The following CD96 variants were observed in gnomAD, a reference collection of about 807,000 sequenced individuals.
The protein encoded by CD96 is CD96 molecule.
In CD96, 70 loss-of-function variants were observed where a neutral mutation model predicts 71.3. That is an observed-to-expected ratio of 0.98 (90% CI 0.81 to 1.20). The LOEUF (loss-of-function observed/expected upper bound fraction) is 1.20, where lower values mean the gene tolerates loss of function less well. CD96 is among the 50% of genes most tolerant of loss of function. The pLI is 0.00. For synonymous variants in CD96, 248 were observed against 233.0 expected (o/e 1.06, Z -0.59); for missense variants, 742 against 677.5 (o/e 1.10, Z -1.06).
chr3:111,593,672 CT>C, intron 5 of CD96: 1 of 1,611,972 alleles, frequency 6.2e-7, no homozygotes, highest in Non-Finnish European at 8.5e-7. Context: ...GGCTCGCTCC[CT>C]TTTTTCCACA....
Position 111,579,099 on chromosome 3 carries a change from A to G in CD96, c.616A>G (p.Arg206Gly), listed in dbSNP as rs1936350254. ...LISNSTLLKD[R>G]VKLGTDYRLH... ...CAGCAATTCCACATTACTTAAAGAT[A>G]GAGTCAAGCTTGGTACAGACTACAG... Residue 206 changes from arginine to glycine, a missense_variant, in exon 4 of 14, where the codon AGA (arginine) becomes GGA (glycine). Coordinates refer to ENST00000352690, the MANE Select transcript of CD96 (RefSeq NM_005816.5). 6 of 1,605,660 alleles carry G rather than the reference A, an allele frequency of 3.7e-6. No individual in the cohort carries two copies. Among genetic ancestry groups the G allele is most frequent in the Non-Finnish European group, 4.3e-6 (5 of 1,172,190 alleles).
At chr3:111,557,168 T>A (rs1189196427) in intron 2 of CD96, among the ~76,000 whole-genome samples, 1 of 113,048 alleles carries the variant, frequency 8.8e-6, no homozygotes, top group East Asian at 2.4e-4. Flanking sequence ...CTGTTCACTC[T>A]GATGGTAGTT....
At chr3:111,567,128 C>A (rs1394041971) in intron 2 of CD96, among the ~76,000 whole-genome samples, 2 of 151,984 alleles carry the variant, frequency 1.3e-5, no homozygotes, top group African/African-American at 4.8e-5. Flanking sequence ...TTGCTGTGAA[C>A]CTAAAACTAC....
chr3:111,620,055 T>G (rs1938443733), intron 8 of CD96, among the ~76,000 whole-genome samples: 1 of 152,230 alleles, frequency 6.6e-6, no homozygotes, highest in Non-Finnish European at 1.5e-5. Flanking sequence ...TACTAATCCA[T>G]GACATGTGAG....
At chr3:111,656,375 G>A (rs1183188980), downstream of CD96, among the ~76,000 whole-genome samples, 3 of 152,140 alleles carry the variant, frequency 2.0e-5, no homozygotes, top group Non-Finnish European at 4.4e-5. Flanking sequence ...TCAAGGCTTT[G>A]GGGAAAACAT....
chr3:111,577,339 G>A (rs1004480934), intron 3 of CD96, among the ~76,000 whole-genome samples: 1 of 152,108 alleles, frequency 6.6e-6, no homozygotes, highest in Non-Finnish European at 1.5e-5. Context: ...AGATCTGCAG[G>A]GGGTACCTGC....
chr3:111,558,129 A>C (rs1170947210), intron 2 of CD96, among the ~76,000 whole-genome samples: 7 of 136,076 alleles, frequency 5.1e-5, no homozygotes, highest in Non-Finnish European at 1.1e-4. Flanking sequence ...GGTTTTCTAG[A>C]TATACAATCA....
intron 12 of CD96, among the ~76,000 whole-genome samples, chr3:111,644,088 C>G (rs1463488780): frequency 6.6e-6 from 1 of 152,124 alleles, no homozygotes. Context: ...TCCAACTATA[C>G]TATAAAGCCA....
chr3:111,656,701 A>G (rs910054063), downstream of CD96, among the ~76,000 whole-genome samples: 1 of 152,214 alleles, frequency 6.6e-6, no homozygotes, highest in East Asian at 1.9e-4. Context: ...GAAAATCTCT[A>G]TCAACTGATA....
intron 3 of CD96, among the ~76,000 whole-genome samples, chr3:111,576,871 A>G (rs1272336924): frequency 6.6e-6 from 1 of 151,930 alleles, no homozygotes; most frequent in Admixed American, 6.6e-5. Flanking sequence ...CTCTCCTCCC[A>G]TTTGCTCTGT....
At position 111,645,210 on chromosome 3, in the gene CD96, C is replaced by T. The variant is rs117098894; in HGVS notation, c.1478-2333C>T. Among the ~76,000 whole-genome samples the T allele has an allele frequency of 3.8e-4, 58 of 152,132 alleles. 1 individual carries two copies. The East Asian group carries it at 8.1e-3, about 21-fold the overall frequency. ...ATAGCCATAAAAAGGAATGAATTAA[C>T]ACATTTGCAGTGACCTGGATGAGAT... On this transcript the variant is annotated intron_variant, in intron 12 of 13. Coordinates refer to ENST00000352690, the MANE Select transcript of CD96 (RefSeq NM_005816.5).
chr3:111,630,335 G>A (rs963997881), intron 10 of CD96, among the ~76,000 whole-genome samples: 2 of 152,048 alleles, frequency 1.3e-5, no homozygotes, highest in Admixed American at 1.3e-4. Flanking sequence ...TATTACCACT[G>A]ACCCCACAGA....
chr3:111,634,365 G>A (rs748983790), intron 10 of CD96: 2 of 152,158 alleles, frequency 1.3e-5, no homozygotes, highest in Admixed American at 1.3e-4. Context: ...CTCAAGGAAG[G>A]ATATAATAAT....
intron 8 of CD96, among the ~76,000 whole-genome samples, chr3:111,608,326 TCATTACTTCTGC>T (rs1160955159): frequency 2.0e-5 from 3 of 152,236 alleles, no homozygotes; most frequent in African/African-American, 7.2e-5. Flanking sequence ...AAATTGCATG[TCATTACTTCTGC>T]TTTATTTTAT....
intron 3 of CD96, among the ~76,000 whole-genome samples, chr3:111,569,261 A>G (rs994177972): frequency 1.3e-5 from 2 of 152,218 alleles, no homozygotes; most frequent in African/African-American, 4.8e-5. Context: ...TATTTTTCAG[A>G]TAGTAAATAA....
At chr3:111,556,191 G>C (rs1210277759) in intron 2 of CD96, among the ~76,000 whole-genome samples, 1 of 152,184 alleles carries the variant, frequency 6.6e-6, no homozygotes, top group East Asian at 1.9e-4. Flanking sequence ...ACTTTGAATA[G>C]ACTAATAACA....
chr3:111,647,608 T>G lies in CD96; in HGVS notation c.1543T>G (p.Cys515Gly). The part of the protein sequence containing the change: ...WPVIVAALLF[C>G]CMILFGLGVR... ...AGTGATTGTAGCAGCTTTACTCTTT[T>G]GCTGCATGATATTGTTTGGTCTTGG... The change falls in exon 13 of 14, where the codon TGC becomes GGC. Residue 515 changes from cysteine (C) to glycine (G), a missense_variant. Cys to Gly is a radical substitution (Grantham distance 159). Coordinates refer to ENST00000352690, the MANE Select transcript of CD96 (RefSeq NM_005816.5). 3.7e-6 allele frequency: 6 copies of G among 1,611,276 alleles called. No homozygotes were observed. The highest frequency in any genetic ancestry group is 5.1e-6 in the Non-Finnish European group (6 of 1,177,500).
Position 111,545,066 on chromosome 3 carries a change from A to G in CD96, c.82A>G (p.Asn28Asp). The G allele has an allele frequency of 1.2e-6, 2 of 1,614,112 alleles. No individual in the cohort carries two copies. Among genetic ancestry groups the G allele is most frequent in the Non-Finnish European group, 1.7e-6 (2 of 1,179,992 alleles). Residue 28 changes from asparagine (N) to aspartate (D), a missense_variant, in exon 2 of 14, where the codon AAC becomes GAC. Coordinates refer to ENST00000352690, the MANE Select transcript of CD96 (RefSeq NM_005816.5). ...FVKGVWEKTVNTEENVYATLG... is the reference protein window; with the variant it reads ...FVKGVWEKTVDTEENVYATLG... ...TTCAGGAGTTTGGGAAAAAACAGTC[A>G]ACACAGAAGAAAATGTTTATGCTAC...
At chr3:111,618,766 T>C (rs1576398067) in intron 8 of CD96, among the ~76,000 whole-genome samples, 1 of 151,386 alleles carries the variant, frequency 6.6e-6, no homozygotes, top group African/African-American at 2.4e-5. Context: ...GAGACGGGGG[T>C]TTCACCGTGT....
Sources: allele counts gnomAD v4.1 joint callset (sites outside exome capture counted in the v4.1 genomes callset), GRCh38; gene constraint gnomAD v4.1.1; transcripts MANE v1.5; gene names NCBI Gene and HGNC (gene_info 2026-07-23, HGNC 2026-07-21).